TMC1: variants seen among roughly 807,000 people sequenced by gnomAD.
TMC1 encodes the protein transmembrane channel like 1, also known as transmembrane channel-like protein 1.
Under a neutral mutation model 105.8 loss-of-function variants are expected in TMC1, and 84 were observed. The observed-to-expected ratio is 0.79, with a 90% CI of 0.67 to 0.95. The LOEUF (loss-of-function observed/expected upper bound fraction) is 0.95. Among genes scored for constraint, TMC1 ranks in the 40% least tolerant of loss-of-function variants. TMC1 has a pLI of 0.00. For missense variants in TMC1, 817 were observed against 914.1 expected (o/e 0.89, Z 1.37); for synonymous variants, 315 against 311.5 (o/e 1.01, Z -0.12).
chr9:72,751,728 A>G lies in TMC1; in HGVS notation c.536-122A>G, dbSNP rs1827582675. ...GAGAAAAGAATGCTATAGCCTATAA[A>G]TATAAAAAGGACCAATGCCTCACAA... is the stretch of plus-strand genomic sequence containing the variant. On this transcript the variant is annotated intron_variant, in intron 10 of 23. Coordinates refer to ENST00000297784, the MANE Select transcript of TMC1 (RefSeq NM_138691.3). 6.9e-6 allele frequency: 5 copies of G among 719,758 alleles called. No homozygotes were observed. The East Asian group carries it at 1.2e-4, about 18-fold the overall frequency. The allele number at this position is 719,758 out of a possible 1,614,324, so 44.6% of individuals were successfully genotyped here.
chr9:72,684,867 A>G (rs555306163), intron 5 of TMC1, among the ~76,000 whole-genome samples: 32 of 152,164 alleles, frequency 2.1e-4, no homozygotes, highest in Non-Finnish European at 4.3e-4. Context: ...CAGGGATGAC[A>G]TGGGTTCATT....
chr9:72,525,709 C>T (rs1421479955), intron 1 of TMC1, among the ~76,000 whole-genome samples: 1 of 152,206 alleles, frequency 6.6e-6, no homozygotes, highest in East Asian at 1.9e-4. Context: ...AATCCTTGGC[C>T]AGTTGCGGTG....
intron 5 of TMC1, among the ~76,000 whole-genome samples, chr9:72,667,252 C>A (rs1826058012): frequency 6.6e-6 from 1 of 152,120 alleles, no homozygotes; most frequent in South Asian, 2.1e-4. Context: ...AAAGGAAATT[C>A]CAGGTTGACT....
chr9:72,811,899 A>G (rs1442090633), intron 18 of TMC1, among the ~76,000 whole-genome samples: 2 of 152,206 alleles, frequency 1.3e-5, no homozygotes, highest in Non-Finnish European at 2.9e-5. Flanking sequence ...AATACTTTAC[A>G]TGTATTATTC....
intron 1 of TMC1, among the ~76,000 whole-genome samples, chr9:72,555,676 A>G (rs1329702127): frequency 6.6e-6 from 1 of 151,688 alleles, no homozygotes; most frequent in Admixed American, 6.6e-5. Context: ...GCTGGAGTGC[A>G]GTGGCGCAAT....
chr9:72,728,934 T>G (rs955894468), intron 8 of TMC1, among the ~76,000 whole-genome samples: 5 of 152,076 alleles, frequency 3.3e-5, no homozygotes, highest in Admixed American at 1.3e-4. Flanking sequence ...TTTACCTTGT[T>G]TCATCTAAAA....
At chr9:72,807,130 GCAATCGCAGGCACTC>G (rs1283502222) in intron 18 of TMC1, among the ~76,000 whole-genome samples, 5 of 152,178 alleles carry the variant, frequency 3.3e-5, no homozygotes, top group Non-Finnish European at 7.4e-5. Context: ...GCGCGAGCCT[GCAATCGCAGGCACTC>G]GGCATGCTCA....
intron 1 of TMC1, among the ~76,000 whole-genome samples, chr9:72,555,318 C>T (rs1823912198): frequency 6.6e-6 from 1 of 151,632 alleles, no homozygotes; most frequent in African/African-American, 2.4e-5. Context: ...GCCTCAGCCT[C>T]CCAAGTAGAT....
chr9:72,787,481 C>T (rs1178372813), intron 13 of TMC1, among the ~76,000 whole-genome samples: 1 of 151,490 alleles, frequency 6.6e-6, no homozygotes, highest in Non-Finnish European at 1.5e-5. Flanking sequence ...ATTTTAAAAA[C>T]CAAAACCTTA....
At chr9:72,522,167 T>TTTTTTTTTTTA (rs1823323673) in intron 1 of TMC1, among the ~76,000 whole-genome samples, 2 of 151,986 alleles carry the variant, frequency 1.3e-5, no homozygotes, top group African/African-American at 2.4e-5. Flanking sequence ...TTTTTTTTTT[T>TTTTTTTTTTTA]GAGACGGAGT....
At chr9:72,671,295 G>A (rs1221838731) in intron 5 of TMC1, among the ~76,000 whole-genome samples, 1 of 152,066 alleles carries the variant, frequency 6.6e-6, no homozygotes, top group Non-Finnish European at 1.5e-5. Flanking sequence ...CTTTTCTCTG[G>A]GTATAGGGAG....
intron 4 of TMC1, among the ~76,000 whole-genome samples, chr9:72,640,672 G>T (rs1232450310): frequency 1.3e-5 from 2 of 150,038 alleles, no homozygotes; most frequent in Admixed American, 6.7e-5. Context: ...CCGCTCTGTC[G>T]CCCAGGCTGG....
At position 72,596,418 on chromosome 9, in the gene TMC1, C is replaced by G. The variant is rs551428126; in HGVS notation, c.-306+18395C>G. Among the ~76,000 whole-genome samples the G allele has an allele frequency of 3.2e-4, 48 of 151,912 alleles. 1 individual carries two copies. The highest frequency in any genetic ancestry group is 5.9e-5 in the Non-Finnish European group (4 of 67,990). On this transcript the variant is annotated intron_variant, in intron 2 of 23. Coordinates refer to ENST00000297784, the MANE Select transcript of TMC1 (RefSeq NM_138691.3). ...CCATGGCCAGAACTAATCATGTTGT[C>G]CCACTCACCACAAAGCCATATGCAG...
chr9:72,798,107 T>C (rs1001558832), intron 17 of TMC1, among the ~76,000 whole-genome samples: 1 of 152,126 alleles, frequency 6.6e-6, no homozygotes, highest in East Asian at 1.9e-4. Flanking sequence ...CAAACAAGCA[T>C]GTGAAATAAA....
intron 2 of TMC1, among the ~76,000 whole-genome samples, chr9:72,586,764 C>T (rs1323506737): frequency 1.3e-5 from 2 of 152,194 alleles, no homozygotes; most frequent in African/African-American, 4.8e-5. Context: ...CAGATCTTTG[C>T]ACCTGCCCTA....
At chr9:72,764,634 T>G (rs1488672903) in intron 12 of TMC1, among the ~76,000 whole-genome samples, 1 of 152,204 alleles carries the variant, frequency 6.6e-6, no homozygotes, top group Non-Finnish European at 1.5e-5. Context: ...GATGATTTAC[T>G]CTATTTTATT....
chr9:72,728,977 G>A (rs1827164567), intron 8 of TMC1, among the ~76,000 whole-genome samples: 1 of 152,036 alleles, frequency 6.6e-6, no homozygotes, highest in Non-Finnish European at 1.5e-5. Context: ...CCTCTAGGGT[G>A]TGACTAAAAT....
Position 72,529,353 on chromosome 9 carries a change from G to A in TMC1, c.-428+7440G>A, listed in dbSNP as rs114088039. Among the ~76,000 whole-genome samples the A allele has an allele frequency of 1.4e-3, 219 of 152,246 alleles. 1 individual carries two copies. The highest frequency in any genetic ancestry group is 5.0e-3 in the African/African-American group (207 of 41,548). ...TGTAGTCCTAGCTACTTGGAAGGCC[G>A]AGATGGGCCCAGGAGTTTGAGGCTA... is the stretch of plus-strand genomic sequence containing the variant. On this transcript the variant is annotated intron_variant, in intron 1 of 23. Transcript: ENST00000297784.
At chr9:72,687,142 A>G (rs1378092999) in intron 5 of TMC1, among the ~76,000 whole-genome samples, 2 of 152,154 alleles carry the variant, frequency 1.3e-5, no homozygotes, top group African/African-American at 4.8e-5. Context: ...ATATTATCAC[A>G]TTCTAGTGAA....
Sources: allele counts gnomAD v4.1 joint callset (sites outside exome capture counted in the v4.1 genomes callset), GRCh38; gene constraint gnomAD v4.1.1; transcripts MANE v1.5; gene names NCBI Gene and HGNC (gene_info 2026-07-23, HGNC 2026-07-21).